CSMD1: variants seen among roughly 807,000 people sequenced by gnomAD.
CSMD1 encodes CUB and sushi domain-containing protein 1.
Under a neutral mutation model 417.5 loss-of-function variants are expected in CSMD1, and 213 were observed. The observed-to-expected ratio is 0.51, with a 90% CI of 0.46 to 0.57. The LOEUF is 0.57. Ranked by LOEUF, CSMD1 falls within the 20% of genes least tolerant of loss-of-function variation. CSMD1 has a pLI of 0.00. For missense variants in CSMD1, 6,923 were observed against 4,529.7 expected (o/e 1.53, Z -15.17); for synonymous variants, 2,862 against 1,736.8 (o/e 1.65, Z -16.11).
At position 3,575,009 on chromosome 8, in the gene CSMD1, TA is replaced by T. The variant is rs1366176987; in HGVS notation, c.1279del (p.Tyr427IlefsTer40). 1 of 1,613,354 alleles carries T rather than the reference TA, an allele frequency of 6.2e-7. No individual in the cohort carries two copies. The highest frequency in any genetic ancestry group is 8.5e-7 in the Non-Finnish European group (1 of 1,179,744). ...TGCATTATCTTCATACTGAACCGGA[TA>T]ATTAGGGGAGGTAATGACGCCGCTG... ...GPSGVITSPN[Y>X]PVQYEDNAHC... is the part of the protein sequence containing the mutation. On this transcript the variant is annotated frameshift_variant, in exon 10 of 70. Transcript: ENST00000635120. LOFTEE classifies it high-confidence loss of function.
At chr8:3,942,178 G>A (rs1190951090) in intron 5 of CSMD1, among the ~76,000 whole-genome samples, 1 of 151,820 alleles carries the variant, frequency 6.6e-6, no homozygotes. Flanking sequence ...AACAAGGTGT[G>A]GGCTCCCACT....
At chr8:4,416,955 TTC>T (rs749530876) in intron 3 of CSMD1, among the ~76,000 whole-genome samples, 18 of 152,034 alleles carry the variant, frequency 1.2e-4, no homozygotes, top group Non-Finnish European at 2.2e-4. Flanking sequence ...TCCTAATAGT[TTC>T]TGTTATTAAT....
In CSMD1 at chr8:4,203,665, T is replaced by A. The variant is rs527621229; in HGVS notation, c.416-171566A>T. On this transcript the variant is annotated intron_variant, in intron 3 of 69. Coordinates refer to ENST00000635120, the MANE Select transcript of CSMD1 (RefSeq NM_033225.6). ...TACACACATTGGAAGTTGGTTCCTC[T>A]CCTGGCCATTTGTAAGTAGGGATCA... Among the ~76,000 whole-genome samples the A allele has an allele frequency of 2.1e-3, 321 of 152,206 alleles. 1 individual carries two copies. Among genetic ancestry groups the A allele is most frequent in the African/African-American group, 7.5e-3 (311 of 41,536 alleles).
At chr8:3,801,677 T>C (rs1800468346) in intron 5 of CSMD1, among the ~76,000 whole-genome samples, 1 of 152,160 alleles carries the variant, frequency 6.6e-6, no homozygotes, top group African/African-American at 2.4e-5. Flanking sequence ...TGGGCAAATA[T>C]TCATGGCAGC....
intron 50 of CSMD1, among the ~76,000 whole-genome samples, chr8:3,040,882 T>A (rs1032226593): frequency 6.6e-6 from 1 of 152,186 alleles, no homozygotes; most frequent in African/African-American, 2.4e-5. Context: ...TATTTCTGAG[T>A]AATATTTTCA....
chr8:3,937,884 G>T (rs1002853072), intron 5 of CSMD1, among the ~76,000 whole-genome samples: 5 of 152,036 alleles, frequency 3.3e-5, no homozygotes, highest in African/African-American at 1.2e-4. Context: ...GCATACACAA[G>T]AAACTTTATG....
intron 1 of CSMD1, among the ~76,000 whole-genome samples, chr8:4,943,631 G>T (rs1318786944): frequency 6.6e-6 from 1 of 152,142 alleles, no homozygotes; most frequent in African/African-American, 2.4e-5. Context: ...AGGGTGTGAT[G>T]ATTTATACTA....
intron 4 of CSMD1, among the ~76,000 whole-genome samples, chr8:4,004,828 T>C (rs1239238221): frequency 6.6e-6 from 1 of 152,150 alleles, no homozygotes; most frequent in South Asian, 2.1e-4. Flanking sequence ...CACTGTAAGC[T>C]CCGCCTCCCG....
chr8:3,304,700 GTTTTTATTCAAATATT>G (rs1804683386), intron 25 of CSMD1, among the ~76,000 whole-genome samples: 1 of 145,644 alleles, frequency 6.9e-6, no homozygotes, highest in African/African-American at 2.5e-5. Flanking sequence ...AAAACTGCAC[GTTTTTATTCAAATATT>G]TTTTTATTTT....
chr8:3,193,855 C>T (rs933324138), intron 33 of CSMD1, among the ~76,000 whole-genome samples: 1 of 152,130 alleles, frequency 6.6e-6, no homozygotes, highest in Non-Finnish European at 1.5e-5. Flanking sequence ...CGATGATCAC[C>T]CTTCAACACC....
At chr8:4,184,941 C>T (rs896260579) in intron 3 of CSMD1, among the ~76,000 whole-genome samples, 2 of 151,218 alleles carry the variant, frequency 1.3e-5, no homozygotes, top group African/African-American at 2.5e-5. Flanking sequence ...AGTTCAAGAC[C>T]AGCCTCCCCA....
chr8:4,135,821 G>C (rs1357023477), intron 3 of CSMD1, among the ~76,000 whole-genome samples: 3 of 152,044 alleles, frequency 2.0e-5, no homozygotes, highest in Non-Finnish European at 4.4e-5. Context: ...TTTAAACAAT[G>C]GGATAGATGT....
chr8:3,880,545 C>T (rs1806138476), intron 5 of CSMD1, among the ~76,000 whole-genome samples: 1 of 152,136 alleles, frequency 6.6e-6, no homozygotes, highest in Non-Finnish European at 1.5e-5. Context: ...TTACTAAGTG[C>T]TTCTCAGTAG....
At chr8:3,752,673 T>A (rs1035500523) in intron 6 of CSMD1, among the ~76,000 whole-genome samples, 12 of 55,998 alleles carry the variant, frequency 2.1e-4, no homozygotes, top group Non-Finnish European at 3.3e-4. Context: ...ACTCCCCGCC[T>A]GGCAAAAAAA....
chr8:2,960,425 T>A (rs557615002), intron 62 of CSMD1, among the ~76,000 whole-genome samples: 103 of 152,266 alleles, frequency 6.8e-4, no homozygotes, highest in Admixed American at 6.5e-3. Flanking sequence ...ATTGATGAGA[T>A]CCCTATATAA....
intron 1 of CSMD1, among the ~76,000 whole-genome samples, chr8:4,987,326 C>T (rs1359721673): frequency 6.6e-6 from 1 of 152,178 alleles, no homozygotes; most frequent in Non-Finnish European, 1.5e-5. Flanking sequence ...CCCACCCTGA[C>T]TTTGACAGCT....
chr8:3,339,935 C>A lies in CSMD1; in HGVS notation c.3631+3359G>T, dbSNP rs540111230. Among the ~76,000 whole-genome samples the A allele has an allele frequency of 6.6e-5, 10 of 152,286 alleles. No homozygotes were observed. In the South Asian group the frequency reaches 2.1e-3, roughly 32 times the overall value. ...AGCAGTGTTTTCTAACGAAGGTACACTTTTAAAGTTTTATTTTGGTCTGAC... is the reference window on the plus strand; with the variant it reads ...AGCAGTGTTTTCTAACGAAGGTACAATTTTAAAGTTTTATTTTGGTCTGAC... On this transcript the variant is annotated intron_variant, in intron 23 of 69. Transcript: ENST00000635120.
chr8:3,320,989 G>A (rs1456701041), intron 23 of CSMD1, among the ~76,000 whole-genome samples: 1 of 152,150 alleles, frequency 6.6e-6, no homozygotes, highest in Non-Finnish European at 1.5e-5. Context: ...TAAAGGCCGT[G>A]AGTTCCATCT....
intron 1 of CSMD1, among the ~76,000 whole-genome samples, chr8:4,797,255 G>A (rs1798031698): frequency 6.6e-6 from 1 of 152,124 alleles, no homozygotes; most frequent in African/African-American, 2.4e-5. Context: ...TACTATGCAT[G>A]GTGAGTTTTA....
Sources: gnomAD v4.1 joint callset for allele counts (sites outside exome capture counted in the v4.1 genomes callset) on GRCh38, gnomAD v4.1.1 for gene constraint, MANE v1.5 for transcripts, NCBI Gene and HGNC (gene_info 2026-07-23, HGNC 2026-07-21) for gene names.